ARB2A: variants seen among roughly 807,000 people sequenced by gnomAD.
ARB2A encodes the protein cotranscriptional regulator ARB2A.
At chr5:93,870,113 C>A in the ARB2A span, among the ~76,000 whole-genome samples, 1 of 152,218 alleles carries the variant, frequency 6.6e-6, no homozygotes, top group Non-Finnish European at 1.5e-5. Context: ...TGATTCTCCA[C>A]GGTCTTCTAT....
At chr5:93,706,015 T>A in the ARB2A span, among the ~76,000 whole-genome samples, 1 of 152,170 alleles carries the variant, frequency 6.6e-6, no homozygotes, top group African/African-American at 2.4e-5. Flanking sequence ...AGAAAATTAC[T>A]ATATGACCCA....
chr5:93,945,698 G>A, the ARB2A span, among the ~76,000 whole-genome samples: 2 of 151,970 alleles, frequency 1.3e-5, no homozygotes, highest in Non-Finnish European at 2.9e-5. Context: ...CCACATAAGA[G>A]CTAAATAGAG....
chr5:93,872,519 A>G, the ARB2A span, among the ~76,000 whole-genome samples: 74 of 152,292 alleles, frequency 4.9e-4, no homozygotes, highest in Non-Finnish European at 9.3e-4. Flanking sequence ...GGTCTTTATC[A>G]TAATTTTTGT....
chr5:93,970,681 A>G, the ARB2A span, among the ~76,000 whole-genome samples: 3 of 152,208 alleles, frequency 2.0e-5, no homozygotes, highest in Admixed American at 2.0e-4. Flanking sequence ...TCTAAATGGC[A>G]GAATGAAATT....
chr5:93,647,189 C>T, the ARB2A span, among the ~76,000 whole-genome samples: 12 of 152,124 alleles, frequency 7.9e-5, no homozygotes, highest in South Asian at 2.3e-3. Flanking sequence ...CCTTATAGCC[C>T]TTTTTAGTCT....
the ARB2A span, among the ~76,000 whole-genome samples, chr5:93,688,661 T>C: frequency 5.3e-5 from 8 of 152,292 alleles, no homozygotes; most frequent in East Asian, 1.5e-3. Context: ...CCATTTCTAC[T>C]TGGAGGTTTT....
chr5:93,705,422 A>G, the ARB2A span, among the ~76,000 whole-genome samples: 1 of 152,158 alleles, frequency 6.6e-6, no homozygotes, highest in Non-Finnish European at 1.5e-5. Context: ...ATTTTAACGG[A>G]GATTTGTTGA....
chr5:93,722,473 G>A, the ARB2A span, among the ~76,000 whole-genome samples: 1 of 151,916 alleles, frequency 6.6e-6, no homozygotes, highest in South Asian at 2.1e-4. Context: ...AAGCTGAAAG[G>A]GAAAAAGTTT....
At chr5:93,894,093 A>G in the ARB2A span, among the ~76,000 whole-genome samples, 3 of 152,184 alleles carry the variant, frequency 2.0e-5, no homozygotes, top group Admixed American at 1.3e-4. Flanking sequence ...AATGTACTCA[A>G]TTAGCTAAAT....
chr5:93,696,827 G>A, the ARB2A span, among the ~76,000 whole-genome samples: 2 of 151,900 alleles, frequency 1.3e-5, no homozygotes, highest in African/African-American at 2.4e-5. Flanking sequence ...TTCGGGAGGC[G>A]GAGGTGGGTG....
the ARB2A span, among the ~76,000 whole-genome samples, chr5:93,878,059 A>G: frequency 6.6e-6 from 1 of 152,210 alleles, no homozygotes; most frequent in Admixed American, 6.5e-5. Flanking sequence ...CAAGGTATCA[A>G]ATAATGACCT....
the ARB2A span, among the ~76,000 whole-genome samples, chr5:93,713,650 A>G: frequency 1.4e-4 from 21 of 152,198 alleles, no homozygotes; most frequent in African/African-American, 5.1e-4. Context: ...CAAAAAACTA[A>G]AAATAGAGCT....
the ARB2A span, among the ~76,000 whole-genome samples, chr5:94,078,608 G>T: frequency 6.6e-6 from 1 of 152,074 alleles, no homozygotes. Context: ...AGAAAATGGT[G>T]GCTTTTATAA....
the ARB2A span, among the ~76,000 whole-genome samples, chr5:93,874,532 C>G: frequency 3.4e-3 from 519 of 152,258 alleles, 6 homozygotes; most frequent in African/African-American, 0.012. Context: ...ATACCTTGCT[C>G]TATGCATTTC....
At chr5:93,627,438 G>GTTTTTTT in the ARB2A span, among the ~76,000 whole-genome samples, 202 of 108,060 alleles carry the variant, frequency 1.9e-3, 9 homozygotes, top group African/African-American at 7.7e-3. Context: ...TACAAAATGT[G>GTTTTTTT]TTTTGTTTTT....
chr5:93,932,478 A>C, the ARB2A span, among the ~76,000 whole-genome samples: 1 of 152,210 alleles, frequency 6.6e-6, no homozygotes, highest in African/African-American at 2.4e-5. Context: ...TTTAAAAATT[A>C]TTTGAAGATA....
the ARB2A span, among the ~76,000 whole-genome samples, chr5:94,097,797 A>G: frequency 6.6e-6 from 1 of 151,866 alleles, no homozygotes. Flanking sequence ...GCCAGAATGC[A>G]CATGCCCACA....
the ARB2A span, among the ~76,000 whole-genome samples, chr5:93,831,207 G>A: frequency 6.6e-6 from 1 of 151,724 alleles, no homozygotes; most frequent in Non-Finnish European, 1.5e-5. Flanking sequence ...TCTGTGACCC[G>A]GGGTTTGGGG....
At chr5:94,007,027 C>A in the ARB2A span, among the ~76,000 whole-genome samples, 2 of 152,156 alleles carry the variant, frequency 1.3e-5, no homozygotes, top group Middle Eastern at 3.4e-3. Flanking sequence ...ATTTTCTTGC[C>A]ACTGATTGCA....
Sources: allele counts gnomAD v4.1 joint callset (sites outside exome capture counted in the v4.1 genomes callset), GRCh38; gene constraint gnomAD v4.1.1; transcripts MANE v1.5; gene names NCBI Gene and HGNC (gene_info 2026-07-23, HGNC 2026-07-21).